TRIP12: variants seen among roughly 807,000 people sequenced by gnomAD.
The protein encoded by TRIP12 is E3 ubiquitin-protein ligase TRIP12.
TRIP12 carries 25 observed loss-of-function variants against 244.2 expected under a neutral mutation model. The ratio of observed to expected loss-of-function variants is 0.10; its 90% CI spans 0.07 to 0.14. The LOEUF (loss-of-function observed/expected upper bound fraction) is 0.14, where lower values mean the gene tolerates loss of function less well. Among genes scored for constraint, TRIP12 ranks in the 10% least tolerant of loss-of-function variants. TRIP12 has a pLI of 1.00. For synonymous variants in TRIP12, 905 were observed against 873.1 expected, an observed-to-expected ratio of 1.04 and a Z score of -0.64; for missense variants, 1,677 against 2,486.4, an observed-to-expected ratio of 0.67 and a Z score of 6.92.
At chr2:229,789,004 C>T in intron 31 of TRIP12, 64 bp from the exon 32 acceptor site, 1 of 1,449,006 alleles carries the variant, frequency 6.9e-7, no homozygotes, top group Non-Finnish European at 9.4e-7. Context: ...TATTCACAAT[C>T]TCTTCCATTA....
chr2:229,773,088 T>G (rs1002842250), intron 38 of TRIP12, among the ~76,000 whole-genome samples: 4 of 152,156 alleles, frequency 2.6e-5, no homozygotes, highest in African/African-American at 9.7e-5. Context: ...TGCTTTTTTT[T>G]TTTTTGAAAT....
At chr2:229,889,653 C>T (rs945598588) in intron 1 of TRIP12, among the ~76,000 whole-genome samples, 1 of 152,248 alleles carries the variant, frequency 6.6e-6, no homozygotes, top group Admixed American at 6.5e-5. Context: ...TCTCTAAAAT[C>T]GGATTCAGTT....
chr2:229,805,935 C>G, intron 17 of TRIP12, 52 bp from the exon 18 acceptor site: 1 of 1,412,062 alleles, frequency 7.1e-7, no homozygotes, highest in Non-Finnish European at 9.5e-7. Flanking sequence ...AAATCTATTA[C>G]CTTAAGACAC....
At chr2:229,893,003 T>G (rs2067764484) in intron 1 of TRIP12, among the ~76,000 whole-genome samples, 1 of 152,258 alleles carries the variant, frequency 6.6e-6, no homozygotes, top group African/African-American at 2.4e-5. Context: ...AATTGAATTA[T>G]CTTCCTGAAC....
intron 1 of TRIP12, among the ~76,000 whole-genome samples, chr2:229,892,011 A>G (rs1398208419): frequency 6.6e-6 from 1 of 152,258 alleles, no homozygotes; most frequent in Non-Finnish European, 1.5e-5. Context: ...TATATACTGC[A>G]CTGACATTCA....
chr2:229,799,947 G>C (rs563434881), intron 21 of TRIP12, among the ~76,000 whole-genome samples: 1 of 152,294 alleles, frequency 6.6e-6, no homozygotes, highest in East Asian at 1.9e-4. Flanking sequence ...TAAGATGACT[G>C]ATCAATTTTC....
intron 21 of TRIP12, among the ~76,000 whole-genome samples, chr2:229,801,753 T>C (rs901072693): frequency 1.3e-5 from 2 of 152,220 alleles, no homozygotes; most frequent in African/African-American, 4.8e-5. Flanking sequence ...TTTTCCCTTA[T>C]TAAAAGCAAA....
chr2:229,791,384 A>C, intron 29 of TRIP12, 133 bp from the exon 30 acceptor site: 1 of 1,072,404 alleles, frequency 9.3e-7, no homozygotes, highest in East Asian at 2.5e-5. Context: ...CCTAGTGTGA[A>C]TCTGGAGAAC....
chr2:229,805,228 C>CAACAACAACAACAACAACAACA (rs946359583), intron 18 of TRIP12, among the ~76,000 whole-genome samples: 1 of 151,902 alleles, frequency 6.6e-6, no homozygotes, highest in Non-Finnish European at 1.5e-5. Flanking sequence ...TTCAAAACAA[C>CAACAACAACAACAACAACAACA]AACAACAACA....
chr2:229,879,159 G>A (rs1187063369), intron 2 of TRIP12, among the ~76,000 whole-genome samples: 5 of 152,104 alleles, frequency 3.3e-5, no homozygotes, highest in Non-Finnish European at 5.9e-5. Flanking sequence ...GACTGAGGTG[G>A]AAGGATTTTT....
rs759182621 is a variant in TRIP12, at chr2:229,859,073, G to T, written c.726C>A (p.Ala242=). ...CSTITDSSSA[A]STSSSSSAVA... ...CAGCAGAAGACGAGGAGGAAGTAGA[G>T]GCAGCAGAAGAAGAATCAGTGATGG... Residue 242 remains alanine (A), a synonymous_variant, in exon 4 of 42, where the codon GCC becomes GCA. Transcript: ENST00000675903. 2 of 1,614,236 alleles carry T rather than the reference G, an allele frequency of 1.2e-6. No individual in the cohort carries two copies. Among genetic ancestry groups the T allele is most frequent in the Non-Finnish European group, 1.7e-6 (2 of 1,180,038 alleles).
chr2:229,851,502 T>C (rs1559857819), intron 4 of TRIP12, among the ~76,000 whole-genome samples: 1 of 152,038 alleles, frequency 6.6e-6, no homozygotes, highest in Non-Finnish European at 1.5e-5. Context: ...TGGGGCCAGA[T>C]AAGAGAATAA....
chr2:229,866,294 T>A (rs146733842), intron 2 of TRIP12, among the ~76,000 whole-genome samples: 1 of 152,222 alleles, frequency 6.6e-6, no homozygotes, highest in Non-Finnish European at 1.5e-5. Context: ...CCGTTTTTAA[T>A]GCCTATGATG....
At position 229,778,824 on chromosome 2, in the gene TRIP12, C is replaced by T; in HGVS notation, c.5209+52G>A. The T allele has an allele frequency of 6.6e-7, 1 of 1,504,488 alleles. No homozygotes were observed. The highest frequency in any genetic ancestry group is 9.2e-7 in the Non-Finnish European group (1 of 1,082,112). 93.2% of individuals were successfully genotyped at this position (1,504,488 alleles called of 1,614,324 possible). A position where few individuals can be genotyped will look rare whatever the true frequency, so the allele number is the denominator to read the frequency against. Reference sequence around the variant, plus strand: ...AATATGTCTAATAAACTGTCAGAGTCCATTACCTGATCTGAGTAACACAAA... The same window carrying T: ...AATATGTCTAATAAACTGTCAGAGTTCATTACCTGATCTGAGTAACACAAA... On this transcript the variant is annotated intron_variant, in intron 35 of 41. Coordinates refer to ENST00000675903, the MANE Select transcript of TRIP12 (RefSeq NM_001348323.3). The surrounding 1 kb of genome is among the most constrained non-coding windows in gnomAD (Gnocchi z 4.1).
At chr2:229,877,071 C>CA (rs1247012875) in intron 2 of TRIP12, among the ~76,000 whole-genome samples, 6 of 151,700 alleles carry the variant, frequency 4.0e-5, no homozygotes, top group Admixed American at 1.3e-4. Flanking sequence ...AAAAAAACTG[C>CA]AAAAATCACA....
At position 229,799,332 on chromosome 2, in the gene TRIP12, T is replaced by C. The variant is rs1282726586; in HGVS notation, c.3258A>G (p.Arg1086=). The C allele has an allele frequency of 6.2e-7, 1 of 1,614,224 alleles. No homozygotes were observed. The highest frequency in any genetic ancestry group is 2.2e-5 in the East Asian group (1 of 44,872). Reference sequence around the variant, plus strand: ...CTCTTGGAGGTGAGTACTTTGGCCTTCTTGGCCCTCGTTTTGGCAGTCGTT... The same window carrying C: ...CTCTTGGAGGTGAGTACTTTGGCCTCCTTGGCCCTCGTTTTGGCAGTCGTT... ...KRKRLPKRGP[R]RPKYSPPRDD... The change falls in exon 22 of 42, where the codon AGA becomes AGG. Residue 1086 remains arginine (R), a synonymous_variant. Coordinates refer to ENST00000675903, the MANE Select transcript of TRIP12 (RefSeq NM_001348323.3).
Position 229,804,195 on chromosome 2 carries a change from G to C in TRIP12, c.2683C>G (p.Arg895Gly). The C allele has an allele frequency of 6.2e-7, 1 of 1,613,582 alleles. No individual in the cohort carries two copies. The highest frequency in any genetic ancestry group is 1.1e-5 in the South Asian group (1 of 90,952). ...GGATCCTCTTTCATAAGCTGTGCTC[G>C]AGCATCATCCTTCTTTGACTCTGAA... ...GYSESKKDDA[R>G]AQLMKEDPEL... The change falls in exon 19 of 42, where the codon CGA becomes GGA. Residue 895 changes from arginine (R) to glycine (G), a missense_variant. Physicochemically the swap from Arg to Gly is moderately radical, Grantham distance 125. Coordinates refer to ENST00000675903, the MANE Select transcript of TRIP12 (RefSeq NM_001348323.3).
chr2:229,811,311 C>G (rs2047190654), intron 13 of TRIP12, 107 bp from the exon 14 acceptor site: 1 of 1,142,278 alleles, frequency 8.8e-7, no homozygotes, highest in Admixed American at 2.5e-5. Flanking sequence ...AAGGCAAGCT[C>G]AATTAGTAAA....
Position 229,778,833 on chromosome 2 carries a change from G to A in TRIP12, c.5209+43C>T, listed in dbSNP as rs1236007044. On this transcript the variant is annotated intron_variant, in intron 35 of 41. Coordinates refer to ENST00000675903, the MANE Select transcript of TRIP12 (RefSeq NM_001348323.3). This position sits in a 1 kb window ranked among gnomAD's most constrained non-coding sequence, Gnocchi z 4.1. ...AATAAACTGTCAGAGTCCATTACCT[G>A]ATCTGAGTAACACAAACCAACTAAC... is the stretch of plus-strand genomic sequence containing the variant. The A allele has an allele frequency of 1.9e-6, 3 of 1,552,410 alleles. No homozygotes were observed. The highest frequency in any genetic ancestry group is 2.7e-6 in the Non-Finnish European group (3 of 1,124,832).
Sources: allele counts gnomAD v4.1 joint callset (sites outside exome capture counted in the v4.1 genomes callset), GRCh38; gene constraint gnomAD v4.1.1; non-coding constraint Gnocchi (gnomAD v3.1); transcripts MANE v1.5; gene names NCBI Gene and HGNC (gene_info 2026-07-23, HGNC 2026-07-21).